KCNH8: variants seen among roughly 807,000 people sequenced by gnomAD.
KCNH8 encodes the protein potassium voltage-gated channel subfamily H member 8.
In KCNH8, 70 loss-of-function variants were observed where a neutral mutation model predicts 103.6. The ratio of observed to expected loss-of-function variants is 0.68; its 90% CI spans 0.56 to 0.82. KCNH8 has a LOEUF of 0.82. KCNH8 is among the 40% of genes least tolerant of loss of function. The probability of loss-of-function intolerance (pLI) is 0.00; values close to 1 mark genes in which losing one functional copy is unlikely to be tolerated. For missense variants in KCNH8, 1,217 were observed against 1,329.9 expected (o/e 0.92, Z 1.32); for synonymous variants, 498 against 489.4 (o/e 1.02, Z -0.23).
At position 19,390,628 on chromosome 3, in the gene KCNH8, A is replaced by G. The variant is rs771169618; in HGVS notation, c.959A>G (p.Asn320Ser). ...ALPFDLLYAF[N>S]VTVVSLVHLL... Reference sequence around the variant, plus strand: ...CCTTTTGATCTTCTGTATGCTTTCAACGTCACAGTGGTGAGTAAAGAGCTC... The same window carrying G: ...CCTTTTGATCTTCTGTATGCTTTCAGCGTCACAGTGGTGAGTAAAGAGCTC... Residue 320 changes from asparagine (N) to serine (S), a missense_variant, in exon 6 of 16, where the codon AAC (asparagine) becomes AGC (serine). Transcript: ENST00000328405. The G allele has an allele frequency of 1.9e-5, 31 of 1,612,750 alleles. No homozygotes were observed. Among genetic ancestry groups the G allele is most frequent in the Non-Finnish European group, 2.5e-5 (30 of 1,179,354 alleles).
intron 7 of KCNH8, among the ~76,000 whole-genome samples, chr3:19,395,716 C>T (rs535045389): frequency 6.6e-5 from 10 of 152,018 alleles, no homozygotes; most frequent in South Asian, 2.1e-4. Context: ...TTTGAGGTGG[C>T]GTATTAATAG....
At chr3:19,181,274 C>A (rs771971894) in intron 1 of KCNH8, among the ~76,000 whole-genome samples, 8 of 152,112 alleles carry the variant, frequency 5.3e-5, no homozygotes, top group Non-Finnish European at 1.2e-4. Flanking sequence ...AGATCTATTC[C>A]TTGCCCTTCT....
chr3:19,506,624 C>T (rs1434736823), intron 11 of KCNH8, among the ~76,000 whole-genome samples: 2 of 152,212 alleles, frequency 1.3e-5, no homozygotes, highest in East Asian at 3.9e-4. Flanking sequence ...GTTTGGCTCT[C>T]CTGGGCTGCA....
rs116847317 is a variant in KCNH8, at chr3:19,310,398, T to C, written c.442+29069T>C. Among the ~76,000 whole-genome samples the C allele has an allele frequency of 4.5e-4, 68 of 152,052 alleles. 2 individuals carry two copies. The East Asian group carries it at 0.011, about 25-fold the overall frequency. ...ATTTACCCAATGTGGTGCAGAATTC[T>C]TACCCTTTAGCAAATGTTGCTGAAT... is the stretch of plus-strand genomic sequence containing the variant. On this transcript the variant is annotated intron_variant, in intron 3 of 15. Transcript: ENST00000328405.
intron 2 of KCNH8, among the ~76,000 whole-genome samples, chr3:19,266,670 C>A (rs75925946): frequency 6.6e-6 from 1 of 152,124 alleles, no homozygotes; most frequent in South Asian, 2.1e-4. Flanking sequence ...GCTGAATGGG[C>A]GAATGAATAA....
intron 1 of KCNH8, among the ~76,000 whole-genome samples, chr3:19,171,749 C>G (rs1189333353): frequency 1.3e-5 from 2 of 151,972 alleles, no homozygotes; most frequent in Non-Finnish European, 2.9e-5. Context: ...AAAATGAAAA[C>G]TATCTCATTA....
intron 5 of KCNH8, among the ~76,000 whole-genome samples, chr3:19,389,138 T>C (rs1205454787): frequency 3.3e-5 from 5 of 152,202 alleles, no homozygotes. Flanking sequence ...TTTCAGTTTT[T>C]ATTGCTGCAT....
intron 11 of KCNH8, among the ~76,000 whole-genome samples, chr3:19,463,568 A>T (rs1170089387): frequency 6.6e-6 from 1 of 152,158 alleles, no homozygotes; most frequent in African/African-American, 2.4e-5. Flanking sequence ...CAAAGGCGTA[A>T]ACTTTTAAAT....
intron 7 of KCNH8, among the ~76,000 whole-genome samples, chr3:19,425,977 A>G (rs1269043860): frequency 6.6e-6 from 1 of 152,176 alleles, no homozygotes; most frequent in African/African-American, 2.4e-5. Context: ...GAGAAGCAAC[A>G]GAGGCAGATT....
chr3:19,169,252 T>C (rs947309075), intron 1 of KCNH8, among the ~76,000 whole-genome samples: 2 of 146,572 alleles, frequency 1.4e-5, no homozygotes, highest in African/African-American at 5.3e-5. Flanking sequence ...TGTTTCTTTC[T>C]TTCTTTTTTT....
chr3:19,315,558 T>C (rs1575520793), intron 3 of KCNH8, among the ~76,000 whole-genome samples: 1 of 152,110 alleles, frequency 6.6e-6, no homozygotes, highest in South Asian at 2.1e-4. Flanking sequence ...CCTTCAGACA[T>C]CATTTGTAGA....
intron 11 of KCNH8, among the ~76,000 whole-genome samples, chr3:19,468,870 CTT>C (rs1320480155): frequency 6.6e-6 from 1 of 152,154 alleles, no homozygotes; most frequent in Non-Finnish European, 1.5e-5. Context: ...GCAAACATCT[CTT>C]GATGCCTATG....
intron 2 of KCNH8, among the ~76,000 whole-genome samples, chr3:19,262,915 C>T (rs916169798): frequency 2.6e-5 from 4 of 151,982 alleles, no homozygotes; most frequent in African/African-American, 4.8e-5. Flanking sequence ...CTCACCTAGC[C>T]CTCCCATTGA....
At chr3:19,306,900 C>T (rs2065137324) in intron 3 of KCNH8, among the ~76,000 whole-genome samples, 1 of 151,850 alleles carries the variant, frequency 6.6e-6, no homozygotes, top group Non-Finnish European at 1.5e-5. Context: ...ACATAAACCC[C>T]AAATAGCCAA....
chr3:19,477,007 G>T (rs1289411263), intron 11 of KCNH8, among the ~76,000 whole-genome samples: 1 of 152,092 alleles, frequency 6.6e-6, no homozygotes, highest in African/African-American at 2.4e-5. Context: ...CATATGAAGG[G>T]ACTGAGAAAG....
chr3:19,524,016 GT>G (rs906897444), intron 15 of KCNH8, among the ~76,000 whole-genome samples: 4 of 151,892 alleles, frequency 2.6e-5, no homozygotes, highest in African/African-American at 9.7e-5. Context: ...AAGAGAGGCT[GT>G]TTTTTATTTA....
intron 1 of KCNH8, among the ~76,000 whole-genome samples, chr3:19,180,917 GAAATAAAATAA>G (rs2063446386): frequency 6.6e-6 from 1 of 151,842 alleles, no homozygotes; most frequent in South Asian, 2.1e-4. Flanking sequence ...TTGGTCAGAG[GAAATAAAATAA>G]AATAGAAATT....
At chr3:19,407,762 G>A (rs2066715599) in intron 7 of KCNH8, among the ~76,000 whole-genome samples, 1 of 152,038 alleles carries the variant, frequency 6.6e-6, no homozygotes, top group Non-Finnish European at 1.5e-5. Context: ...TGGTGCAGGG[G>A]TGCTGTCTCT....
At chr3:19,494,728 T>C (rs533342958) in intron 11 of KCNH8, among the ~76,000 whole-genome samples, 2,151 of 152,256 alleles carry the variant, frequency 0.014, 49 homozygotes, top group African/African-American at 0.047. Flanking sequence ...GGTAATGGGA[T>C]TGCTGGATCA....
Sources: allele counts gnomAD v4.1 joint callset (sites outside exome capture counted in the v4.1 genomes callset), GRCh38; gene constraint gnomAD v4.1.1; transcripts MANE v1.5; gene names NCBI Gene and HGNC (gene_info 2026-07-23, HGNC 2026-07-21).